TRMT10C: variants seen among roughly 807,000 people sequenced by gnomAD.
TRMT10C encodes tRNA methyltransferase 10C, mitochondrial RNase P subunit, also known as tRNA methyltransferase 10 homolog C.
A neutral mutation model predicts 27.4 loss-of-function variants in TRMT10C; 14 were observed. That is an observed-to-expected ratio of 0.51 (90% CI 0.34 to 0.80). The LOEUF (loss-of-function observed/expected upper bound fraction) is 0.80. TRMT10C is among the 30% of genes least tolerant of loss of function. TRMT10C has a pLI of 0.02. For synonymous variants in TRMT10C, 143 were observed against 155.9 expected (o/e 0.92, Z 0.62); for missense variants, 438 against 464.8 (o/e 0.94, Z 0.53).
chr3:101,562,684 CTTTTTTTTTT>C (rs1218064316), intron 1 of TRMT10C, among the ~76,000 whole-genome samples: 1 of 143,810 alleles, frequency 7.0e-6, no homozygotes, highest in African/African-American at 2.6e-5. Context: ...CTTTTTTTTT[CTTTTTTTTTT>C]TTTTAATGAA....
chr3:101,562,376 G>A (rs1177828241), intron 1 of TRMT10C, among the ~76,000 whole-genome samples: 1 of 152,122 alleles, frequency 6.6e-6, no homozygotes, highest in Admixed American at 6.5e-5. Context: ...AGGCTGAGCC[G>A]GGCGCGGTGG....
In TRMT10C at chr3:101,564,868, G is replaced by A. The variant is rs533790114; in HGVS notation, c.87G>A (p.Lys29=). The A allele has an allele frequency of 1.2e-6, 2 of 1,613,998 alleles. No homozygotes were observed. The highest frequency in any genetic ancestry group is 1.7e-5 in the Admixed American group (1 of 59,990). The part of the protein sequence containing the change: ...RFLVPFTLHR[K]RNNLTILQRY... ...TGGTGCCATTTACCCTTCATAGGAA[G>A]AGAAATAACTTAACAATTTTGCAGA... The change falls in exon 2 of 2, where the codon AAG becomes AAA. Residue 29 remains lysine, a synonymous_variant. Coordinates refer to ENST00000309922, the MANE Select transcript of TRMT10C (RefSeq NM_017819.4).
Position 101,566,114 on chromosome 3 carries a change from A to C in TRMT10C, c.*121A>C. 8.5e-7 allele frequency: 1 copy of C among 1,178,174 alleles called. No individual in the cohort carries two copies. The highest frequency in any genetic ancestry group is 1.2e-6 in the Non-Finnish European group (1 of 858,150). The allele number at this position is 1,178,174 out of a possible 1,614,324, so 73.0% of individuals were successfully genotyped here. ...CTGTTAATGTATTTCTTCCCAAACA[A>C]TTCATTTTTCTCTTCTAAAGGTAGT... On this transcript the variant is annotated 3_prime_UTR_variant, in exon 2 of 2. Transcript: ENST00000309922.
rs746055190 is a variant in TRMT10C, at chr3:101,565,819, T to A, written c.1038T>A (p.Ile346=). The A allele has an allele frequency of 1.2e-5, 20 of 1,613,942 alleles. No homozygotes were observed. In the African/African-American group the frequency reaches 2.5e-4, roughly 20 times the overall value. Residue 346 remains isoleucine, a synonymous_variant, in exon 2 of 2, where the codon ATT becomes ATA. Transcript: ENST00000309922. Reference sequence around the variant, plus strand: ...TAGATAAATATTTACAATGGGAAATTGGTAACAAAAATCTCACCTTAGATC... The same window carrying A: ...TAGATAAATATTTACAATGGGAAATAGGTAACAAAAATCTCACCTTAGATC... ...LPLDKYLQWE[I]GNKNLTLDQM...
chr3:101,562,251 A>G (rs1223568394), intron 1 of TRMT10C: 2 of 152,352 alleles, frequency 1.3e-5, no homozygotes, highest in African/African-American at 4.8e-5. Flanking sequence ...CTTGCCAGTT[A>G]CAAGAATAAA....
chr3:101,566,096 T>G lies in TRMT10C; in HGVS notation c.*103T>G. On this transcript the variant is annotated 3_prime_UTR_variant, in exon 2 of 2. Transcript: ENST00000309922. ...TGCGTTAGAAATACAGTTCTGTTAA[T>G]GTATTTCTTCCCAAACAATTCATTT... 3 of 1,273,680 alleles carry G rather than the reference T, an allele frequency of 2.4e-6. No individual in the cohort carries two copies. The highest frequency in any genetic ancestry group is 3.2e-6 in the Non-Finnish European group (3 of 938,722). 78.9% of individuals were successfully genotyped at this position (1,273,680 alleles called of 1,614,324 possible).
In TRMT10C at chr3:101,566,123, T is replaced by C; in HGVS notation, c.*130T>C. 1 of 1,121,918 alleles carries C rather than the reference T, an allele frequency of 8.9e-7. No homozygotes were observed. The highest frequency in any genetic ancestry group is 3.0e-5 in the Admixed American group (1 of 33,366). 69.5% of individuals were successfully genotyped at this position (1,121,918 alleles called of 1,614,324 possible). A position where few individuals can be genotyped will look rare whatever the true frequency, so the allele number is the denominator to read the frequency against. On this transcript the variant is annotated 3_prime_UTR_variant, in exon 2 of 2. Coordinates refer to ENST00000309922, the MANE Select transcript of TRMT10C (RefSeq NM_017819.4). Reference sequence around the variant, plus strand: ...TATTTCTTCCCAAACAATTCATTTTTCTCTTCTAAAGGTAGTCTTTCCCAA... The same window carrying C: ...TATTTCTTCCCAAACAATTCATTTTCCTCTTCTAAAGGTAGTCTTTCCCAA...
In TRMT10C at chr3:101,565,320, T is replaced by A. The variant is rs1576594472; in HGVS notation, c.539T>A (p.Leu180Ter). The A allele has an allele frequency of 6.2e-7, 1 of 1,613,644 alleles. No homozygotes were observed. Among genetic ancestry groups the A allele is most frequent in the Non-Finnish European group, 8.5e-7 (1 of 1,179,876 alleles). The change falls in exon 2 of 2, where the codon TTA becomes TAA. Residue 180 changes from leucine (L) to a stop codon, truncating the protein, a stop_gained. Transcript: ENST00000309922. LOFTEE classifies it high-confidence loss of function. ...GATAAACAGAAAAACTTTCTATTTTTACGACTTTGGGATAGGAATATGGAC... is the reference window on the plus strand; with the variant it reads ...GATAAACAGAAAAACTTTCTATTTTAACGACTTTGGGATAGGAATATGGAC... ...EEDKQKNFLF[L>*]RLWDRNMDIA...
chr3:101,564,624 T>A (rs1934478053), intron 1 of TRMT10C, 146 bp from the exon 2 acceptor site: 1 of 791,832 alleles, frequency 1.3e-6, no homozygotes, highest in Non-Finnish European at 1.9e-6. Flanking sequence ...ACCACAGGAG[T>A]CTAGGAAAAA....
chr3:101,562,037 GT>G (rs1242665064), intron 1 of TRMT10C, 34 bp downstream of exon 1: 2 of 152,182 alleles, frequency 1.3e-5, no homozygotes, highest in South Asian at 2.1e-4. Context: ...TAATGTGTGT[GT>G]TGGGGGTGGG....
At position 101,565,433 on chromosome 3, in the gene TRMT10C, A is replaced by G. The variant is rs2108262185; in HGVS notation, c.652A>G (p.Lys218Glu). 1 of 1,614,202 alleles carries G rather than the reference A, an allele frequency of 6.2e-7. No individual in the cohort carries two copies. The highest frequency in any genetic ancestry group is 2.2e-5 in the East Asian group (1 of 44,878). ...DMAYENYMKR[K>E]ELQNTVSQLL... ...GGCTTACGAAAATTATATGAAACGAAAAGAATTGCAGAATACTGTTTCCCA... is the reference window on the plus strand; with the variant it reads ...GGCTTACGAAAATTATATGAAACGAGAAGAATTGCAGAATACTGTTTCCCA... The change falls in exon 2 of 2, where the codon AAA becomes GAA. Residue 218 changes from lysine (K) to glutamate (E), a missense_variant. Coordinates refer to ENST00000309922, the MANE Select transcript of TRMT10C (RefSeq NM_017819.4).
At chr3:101,563,196 A>C (rs911519369) in intron 1 of TRMT10C, among the ~76,000 whole-genome samples, 10 of 151,254 alleles carry the variant, frequency 6.6e-5, no homozygotes, top group African/African-American at 2.2e-4. Flanking sequence ...GCTCACTGCA[A>C]CTTCCGCCCC....
In TRMT10C at chr3:101,565,546, CAG is replaced by C. The variant is rs1559949648; in HGVS notation, c.770_771del (p.Glu257ValfsTer3). On this transcript the variant is annotated frameshift_variant, in exon 2 of 2. Coordinates refer to ENST00000309922, the MANE Select transcript of TRMT10C (RefSeq NM_017819.4). LOFTEE classifies it high-confidence loss of function. Reference protein sequence around the residue: ...CNLKIDGALHRELVKRYQEKW... With the variant: ...CNLKIDGALHXELVKRYQEKW... ...ATCTAAAAATAGATGGTGCTTTGCA[CAG>C]AGAGTTAGTTAAACGGTATCAAGAA... 1 of 1,614,006 alleles carries C rather than the reference CAG, an allele frequency of 6.2e-7. No homozygotes were observed.
Position 101,565,025 on chromosome 3 carries a change from A to T in TRMT10C, c.244A>T (p.Ile82Phe). 1 of 1,614,078 alleles carries T rather than the reference A, an allele frequency of 6.2e-7. No homozygotes were observed. Among genetic ancestry groups the T allele is most frequent in the Non-Finnish European group, 8.5e-7 (1 of 1,180,024 alleles). ...TGTGCAAGAAGAATGTGTTTCAACA[A>T]TCTCAAGCAGTAAGGATGAAGATCC... ...SSVQEECVST[I>F]SSSKDEDPLA... is the part of the protein sequence containing the mutation. Residue 82 changes from isoleucine (I) to phenylalanine (F), a missense_variant, in exon 2 of 2, where the codon ATC becomes TTC. Around this residue, in one of 3 missense-constraint regions of TRMT10C, gnomAD observed 350 missense variants for 370.5 expected, o/e 0.94. Coordinates refer to ENST00000309922, the MANE Select transcript of TRMT10C (RefSeq NM_017819.4).
intron 1 of TRMT10C, among the ~76,000 whole-genome samples, chr3:101,562,266 T>C (rs1444340865): frequency 1.3e-5 from 2 of 152,232 alleles, no homozygotes; most frequent in Non-Finnish European, 1.5e-5. Flanking sequence ...AATAAAACTT[T>C]TAAAACTCCT....
chr3:101,563,355 G>A (rs1157179706), intron 1 of TRMT10C, among the ~76,000 whole-genome samples: 4 of 151,846 alleles, frequency 2.6e-5, no homozygotes, highest in South Asian at 2.1e-4. Flanking sequence ...ACAGGGTTTC[G>A]CCATGTTGGT....
Position 101,565,457 on chromosome 3 carries a change from C to A in TRMT10C, c.676C>A (p.Gln226Lys). The A allele has an allele frequency of 6.2e-7, 1 of 1,614,106 alleles. No individual in the cohort carries two copies. The highest frequency in any genetic ancestry group is 8.5e-7 in the Non-Finnish European group (1 of 1,180,012). ...AAAAGAATTGCAGAATACTGTTTCCCAGCTTTTAGAAAGTGAAGGATGGAA... is the reference window on the plus strand; with the variant it reads ...AAAAGAATTGCAGAATACTGTTTCCAAGCTTTTAGAAAGTGAAGGATGGAA... ...KRKELQNTVS[Q>K]LLESEGWNRR... The change falls in exon 2 of 2, where the codon CAG becomes AAG. Residue 226 changes from glutamine to lysine, a missense_variant. Coordinates refer to ENST00000309922, the MANE Select transcript of TRMT10C (RefSeq NM_017819.4).
chr3:101,565,068 A>T lies in TRMT10C; in HGVS notation c.287A>T (p.Glu96Val). The change falls in exon 2 of 2, where the codon GAG becomes GTG. Residue 96 changes from glutamate to valine, a missense_variant. Transcript: ENST00000309922. ...KDEDPLAATR[E>V]FIEMWRLLGR... The stretch of plus-strand genomic sequence containing the variant: ...GAAGATCCTCTAGCTGCCACCAGAG[A>T]GTTCATTGAGATGTGGAGATTGCTT... The T allele has an allele frequency of 6.2e-7, 1 of 1,614,112 alleles. No homozygotes were observed.
chr3:101,565,519 C>A lies in TRMT10C; in HGVS notation c.738C>A (p.Cys246Ter). ...TTGATCCTTTCCATATTTATTTCTG[C>A]AATCTAAAAATAGATGGTGCTTTGC... Reference protein sequence around the residue: ...RNVDPFHIYFCNLKIDGALHR... With the variant: ...RNVDPFHIYF The change falls in exon 2 of 2, where the codon TGC becomes TGA. Residue 246 changes from cysteine (C) to a stop codon, truncating the protein, a stop_gained. Coordinates refer to ENST00000309922, the MANE Select transcript of TRMT10C (RefSeq NM_017819.4). LOFTEE classifies it high-confidence loss of function. 1 of 1,613,346 alleles carries A rather than the reference C, an allele frequency of 6.2e-7. No homozygotes were observed. Among genetic ancestry groups the A allele is most frequent in the African/African-American group, 1.3e-5 (1 of 74,950 alleles).
Sources: gnomAD v4.1 joint callset for allele counts (sites outside exome capture counted in the v4.1 genomes callset) on GRCh38, gnomAD v4.1.1 for gene constraint, gnomAD v4.1.1 regional missense constraint, MANE v1.5 for transcripts, NCBI Gene and HGNC (gene_info 2026-07-23, HGNC 2026-07-21) for gene names.